Variants in KCND2 observed in about 807,000 individuals in gnomAD.
KCND2 encodes the protein potassium voltage-gated channel subfamily D member 2.
A neutral mutation model predicts 54.4 loss-of-function variants in KCND2; 16 were observed. The ratio of observed to expected loss-of-function variants is 0.29; its 90% confidence interval spans 0.20 to 0.45. The LOEUF is 0.45. Ranked by LOEUF, KCND2 falls within the 20% of genes least tolerant of loss-of-function variation. The probability of loss-of-function intolerance (pLI) is 1.00; values close to 1 mark genes in which losing one functional copy is unlikely to be tolerated. For missense variants in KCND2, 486 were observed against 824.2 expected (o/e 0.59, Z 5.02); for synonymous variants, 317 against 310.7 (o/e 1.02, Z -0.21).
chr7:120,278,908 G>T (rs983475278), intron 1 of KCND2, among the ~76,000 whole-genome samples: 4 of 151,670 alleles, frequency 2.6e-5, no homozygotes, highest in Non-Finnish European at 4.4e-5. Context: ...AGGTAGCTCT[G>T]TTCCTCCATT....
chr7:120,410,853 A>G (rs1444830410), intron 1 of KCND2, among the ~76,000 whole-genome samples: 2 of 151,750 alleles, frequency 1.3e-5, no homozygotes, highest in African/African-American at 2.4e-5. Flanking sequence ...AGCTTCATCC[A>G]TGTCCCTACA....
intron 1 of KCND2, among the ~76,000 whole-genome samples, chr7:120,587,769 C>T (rs1162953819): frequency 6.6e-6 from 1 of 152,100 alleles, no homozygotes; most frequent in Non-Finnish European, 1.5e-5. Context: ...GCATGTGGTG[C>T]GTGTTACAGC....
intron 1 of KCND2, among the ~76,000 whole-genome samples, chr7:120,303,568 A>G (rs1451625285): frequency 6.6e-6 from 1 of 152,208 alleles, no homozygotes; most frequent in Admixed American, 6.6e-5. Flanking sequence ...GCCAAAGACA[A>G]AATTTTTACT....
intron 1 of KCND2, among the ~76,000 whole-genome samples, chr7:120,439,952 A>G (rs554340651): frequency 1.3e-5 from 2 of 152,086 alleles, no homozygotes; most frequent in Non-Finnish European, 2.9e-5. Flanking sequence ...TAGTGCTGCA[A>G]TGAACATGAC....
At chr7:120,457,194 A>G (rs1802212838) in intron 1 of KCND2, among the ~76,000 whole-genome samples, 1 of 152,084 alleles carries the variant, frequency 6.6e-6, no homozygotes, top group South Asian at 2.1e-4. Flanking sequence ...TGGGTCTGTG[A>G]AGGGAGGGAC....
At chr7:120,552,251 G>A (rs904076897) in intron 1 of KCND2, among the ~76,000 whole-genome samples, 5 of 152,154 alleles carry the variant, frequency 3.3e-5, no homozygotes, top group Non-Finnish European at 7.4e-5. Flanking sequence ...AATAACCATT[G>A]TGTTTATTTA....
intron 1 of KCND2, among the ~76,000 whole-genome samples, chr7:120,288,996 G>T (rs1042293727): frequency 2.0e-5 from 3 of 151,330 alleles, no homozygotes; most frequent in African/African-American, 4.9e-5. Flanking sequence ...GAGTATATAT[G>T]GGGGGAGAGA....
chr7:120,625,843 T>A lies in KCND2; in HGVS notation c.1116-107060T>A, dbSNP rs1793157622. Among the ~76,000 whole-genome samples, 3 of 152,024 alleles carry A rather than the reference T, an allele frequency of 2.0e-5. No individual in the cohort carries two copies. The South Asian group carries it at 6.2e-4, about 32-fold the overall frequency. ...TTCAGTGGTGATATAGGTTTTATAG[T>A]TTACTATCATTGATTAAAATAAATC... On this transcript the variant is annotated intron_variant, in intron 1 of 5. Coordinates refer to ENST00000331113, the MANE Select transcript of KCND2 (RefSeq NM_012281.3).
intron 1 of KCND2, among the ~76,000 whole-genome samples, chr7:120,594,833 A>G (rs1792714811): frequency 6.6e-6 from 1 of 152,126 alleles, no homozygotes; most frequent in South Asian, 2.1e-4. Flanking sequence ...CAGCCTGACC[A>G]ACATGGTGAA....
At chr7:120,306,819 TATTC>T (rs1429440430) in intron 1 of KCND2, among the ~76,000 whole-genome samples, 1 of 152,076 alleles carries the variant, frequency 6.6e-6, no homozygotes, top group Non-Finnish European at 1.5e-5. Context: ...TCATAAATGA[TATTC>T]AGTATCAAAA....
At chr7:120,474,617 G>A (rs144492314) in intron 1 of KCND2, among the ~76,000 whole-genome samples, 70 of 151,390 alleles carry the variant, frequency 4.6e-4, no homozygotes, top group African/African-American at 1.6e-3. Flanking sequence ...ACCTGCCTCA[G>A]CCTCCCAAAG....
chr7:120,520,293 TA>T (rs992249988), intron 1 of KCND2, among the ~76,000 whole-genome samples: 1 of 151,948 alleles, frequency 6.6e-6, no homozygotes, highest in Non-Finnish European at 1.5e-5. Context: ...CTCCTAAATA[TA>T]AAAAAAGTTA....
chr7:120,578,454 A>G (rs1301176116), intron 1 of KCND2, among the ~76,000 whole-genome samples: 1 of 152,318 alleles, frequency 6.6e-6, no homozygotes, highest in African/African-American at 2.4e-5. Flanking sequence ...CCATGAGTTC[A>G]TGAGTCTACC....
chr7:120,693,717 G>T (rs1792300153), intron 1 of KCND2, among the ~76,000 whole-genome samples: 1 of 152,130 alleles, frequency 6.6e-6, no homozygotes, highest in Admixed American at 6.6e-5. Flanking sequence ...CTATTTTACA[G>T]AATTAAGAAC....
chr7:120,380,436 G>T (rs1415602462), intron 1 of KCND2, among the ~76,000 whole-genome samples: 3 of 151,742 alleles, frequency 2.0e-5, no homozygotes, highest in Non-Finnish European at 2.9e-5. Context: ...GACAACTGGG[G>T]ACCTGAAGTG....
chr7:120,367,641 CT>C lies in KCND2; in HGVS notation c.1115+91905del, dbSNP rs563751531. 9.6e-3 allele frequency among the ~76,000 whole-genome samples: 1,326 copies of C among 137,532 alleles called. 10 individuals are homozygous for C. Among genetic ancestry groups the C allele is most frequent in the Middle Eastern group, 0.02 (5 of 256 alleles). 90.2% of individuals were successfully genotyped at this position (137,532 alleles called of 152,430 possible). On this transcript the variant is annotated intron_variant, in intron 1 of 5. Coordinates refer to ENST00000331113, the MANE Select transcript of KCND2 (RefSeq NM_012281.3). The stretch of plus-strand genomic sequence containing the variant: ...TCTATGGTTAACATCTTTTCTTTTT[CT>C]TTTTTTTTTTAATGAAGGAGGGATT...
chr7:120,355,581 CT>C (rs766951074), intron 1 of KCND2, among the ~76,000 whole-genome samples: 9 of 151,934 alleles, frequency 5.9e-5, no homozygotes, highest in Non-Finnish European at 1.2e-4. Context: ...ATATTCAGCA[CT>C]TTATTATAAG....
intron 1 of KCND2, among the ~76,000 whole-genome samples, chr7:120,405,011 A>G (rs994953773): frequency 2.0e-5 from 3 of 152,178 alleles, no homozygotes; most frequent in African/African-American, 7.2e-5. Context: ...TGAATTTAAC[A>G]AAGTCTGGAT....
intron 1 of KCND2, among the ~76,000 whole-genome samples, chr7:120,538,542 C>T (rs969026806): frequency 6.6e-6 from 1 of 152,062 alleles, no homozygotes; most frequent in African/African-American, 2.4e-5. Context: ...TGAGGGATGG[C>T]CCCCAGCTAA....
Sources: allele counts gnomAD v4.1 joint callset (sites outside exome capture counted in the v4.1 genomes callset), GRCh38; gene constraint gnomAD v4.1.1; transcripts MANE v1.5; gene names NCBI Gene and HGNC (gene_info 2026-07-23, HGNC 2026-07-21).